The following PCDHGA8 variants were observed in gnomAD, a reference collection of about 807,000 sequenced individuals.
The protein encoded by PCDHGA8 is protocadherin gamma-A8.
Under a neutral mutation model 59.2 loss-of-function variants are expected in PCDHGA8, and 45 were observed. The ratio of observed to expected loss-of-function variants is 0.76; its 90% CI spans 0.60 to 0.98. The LOEUF (loss-of-function observed/expected upper bound fraction) is 0.98. Ranked by LOEUF, PCDHGA8 falls within the 50% of genes least tolerant of loss-of-function variation. The pLI, the probability that PCDHGA8 is intolerant of heterozygous loss-of-function variation, is 0.00. For synonymous variants in PCDHGA8, 531 were observed against 519.0 expected (o/e 1.02, Z -0.32); for missense variants, 1,257 against 1,196.2 (o/e 1.05, Z -0.75).
rs1012028735 is a variant in PCDHGA8 at position 141,413,666 on chromosome 5, C to T, written c.2424+18429C>T. 4 of 1,613,666 alleles carry T rather than the reference C, an allele frequency of 2.5e-6. No individual in the cohort carries two copies. In the African/African-American group the frequency reaches 5.3e-5, roughly 22 times the overall value. On this transcript the variant is annotated intron_variant, in intron 1 of 3. Coordinates refer to ENST00000398604, the MANE Select transcript of PCDHGA8 (RefSeq NM_032088.2). ...TTTCCTCTCCCGGAAGCTATTGATC[C>T]GGATGTGGGCGTGAACTCCCTGCAG... is the stretch of plus-strand genomic sequence containing the variant.
At chr5:141,414,583 G>A (rs570765907) in intron 1 of PCDHGA8, 1 of 1,613,736 alleles carries the variant, frequency 6.2e-7, no homozygotes, top group Non-Finnish European at 8.5e-7. Context: ...AGAGAACAAC[G>A]CCAGGGGTGC....
chr5:141,432,665 G>A lies in PCDHGA8; in HGVS notation c.2424+37428G>A. 1 of 1,613,896 alleles carries A rather than the reference G, an allele frequency of 6.2e-7. No individual in the cohort carries two copies. Among genetic ancestry groups the A allele is most frequent in the Non-Finnish European group, 8.5e-7 (1 of 1,179,956 alleles). On this transcript the variant is annotated intron_variant, in intron 1 of 3. Coordinates refer to ENST00000398604, the MANE Select transcript of PCDHGA8 (RefSeq NM_032088.2). The surrounding 1 kb of genome is among the most constrained non-coding windows in gnomAD (Gnocchi z 6.0). ...CACGGCGCGAGCCCTGCTGGACAGA[G>A]ACGCGCTCAAGCAGAGCCTCGTAGT... is the stretch of plus-strand genomic sequence containing the variant.
intron 1 of PCDHGA8, chr5:141,422,633 G>C: frequency 6.2e-7 from 1 of 1,613,120 alleles, no homozygotes; most frequent in Non-Finnish European, 8.5e-7. Context: ...AACCCCAGGG[G>C]TGCCTCCATC....
intron 1 of PCDHGA8, among the ~76,000 whole-genome samples, chr5:141,451,703 A>G (rs975120935): frequency 6.6e-6 from 1 of 152,144 alleles, no homozygotes; most frequent in Non-Finnish European, 1.5e-5. Flanking sequence ...GTAACATGAC[A>G]AAACCCTGCC....
At chr5:141,430,689 T>A in intron 1 of PCDHGA8, 1 of 1,408,998 alleles carries the variant, frequency 7.1e-7, no homozygotes, top group Non-Finnish European at 9.4e-7. Flanking sequence ...TCCCATTCTA[T>A]GGGCGAAGGA....
chr5:141,492,125 C>T (rs1284932830), intron 1 of PCDHGA8, among the ~76,000 whole-genome samples: 1 of 152,222 alleles, frequency 6.6e-6, no homozygotes, highest in Non-Finnish European at 1.5e-5. Context: ...TTCTCCCCAG[C>T]TCCCAGCATC....
At chr5:141,405,931 C>CT (rs1439525242) in intron 1 of PCDHGA8, among the ~76,000 whole-genome samples, 2 of 152,062 alleles carry the variant, frequency 1.3e-5, no homozygotes, top group Non-Finnish European at 2.9e-5. Context: ...GCTGATATAA[C>CT]TTTCATGTTC....
intron 1 of PCDHGA8, chr5:141,427,812 G>T: frequency 6.6e-7 from 1 of 1,524,404 alleles, no homozygotes; most frequent in Non-Finnish European, 9.0e-7. Flanking sequence ...CGCACAGAGC[G>T]GGGTGGTGGT....
intron 1 of PCDHGA8, chr5:141,411,426 A>T (rs115154023): frequency 6.6e-6 from 1 of 151,648 alleles, no homozygotes; most frequent in Non-Finnish European, 1.5e-5. Flanking sequence ...ACAACAACAA[A>T]AAAAAACATT....
At chr5:141,502,767 C>T (rs970206343) in intron 2 of PCDHGA8, among the ~76,000 whole-genome samples, 1 of 151,756 alleles carries the variant, frequency 6.6e-6, no homozygotes, top group East Asian at 1.9e-4. Flanking sequence ...TGCTGGTATT[C>T]TTCTGAAAAT....
chr5:141,481,104 C>T (rs2099531861), intron 1 of PCDHGA8, among the ~76,000 whole-genome samples: 1 of 152,130 alleles, frequency 6.6e-6, no homozygotes. Context: ...ACTCTGGAAC[C>T]TACCAATCCA....
At chr5:141,455,920 C>T (rs941360102) in intron 1 of PCDHGA8, among the ~76,000 whole-genome samples, 1 of 147,944 alleles carries the variant, frequency 6.8e-6, no homozygotes, top group Non-Finnish European at 1.5e-5. Context: ...TATTTTGAGA[C>T]GGAGTCTCGC....
chr5:141,462,388 C>T (rs529638718), intron 1 of PCDHGA8, among the ~76,000 whole-genome samples: 86 of 152,204 alleles, frequency 5.7e-4, no homozygotes, highest in Non-Finnish European at 9.4e-4. Context: ...AATTCGTTAA[C>T]ATTTCTTTTA....
At chr5:141,498,457 G>A (rs1028236637) in intron 2 of PCDHGA8, among the ~76,000 whole-genome samples, 8 of 152,126 alleles carry the variant, frequency 5.3e-5, no homozygotes, top group African/African-American at 1.9e-4. Flanking sequence ...CTTTTATCCA[G>A]TCTAACCCTG....
chr5:141,478,767 C>T (rs953695562), intron 1 of PCDHGA8: 44 of 1,500,650 alleles, frequency 2.9e-5, no homozygotes, highest in Non-Finnish European at 3.9e-5. Context: ...ATACTTGACT[C>T]ATCTGTGGAC....
chr5:141,419,792 G>A (rs1379811891), intron 1 of PCDHGA8: 1 of 1,614,042 alleles, frequency 6.2e-7, no homozygotes, highest in African/African-American at 1.3e-5. Flanking sequence ...CCTGCTAGTC[G>A]CTGTAAGAGA....
chr5:141,428,557 C>T (rs2097147196), intron 1 of PCDHGA8: 2 of 242,520 alleles, frequency 8.2e-6, no homozygotes, highest in Non-Finnish European at 1.6e-5. Context: ...AACAGTCCCC[C>T]CACAAGATCT....
chr5:141,402,209 T>A (rs2094239307), intron 1 of PCDHGA8, among the ~76,000 whole-genome samples: 1 of 152,084 alleles, frequency 6.6e-6, no homozygotes, highest in Non-Finnish European at 1.5e-5. Context: ...AATACAAAAA[T>A]TTAAAATAAA....
chr5:141,412,963 G>A (rs1387713187), intron 1 of PCDHGA8: 2 of 518,110 alleles, frequency 3.9e-6, no homozygotes, highest in South Asian at 3.3e-5. Context: ...TCACCTACTA[G>A]GAGAGAAAAC....
Sources: allele counts gnomAD v4.1 joint callset (sites outside exome capture counted in the v4.1 genomes callset), GRCh38; gene constraint gnomAD v4.1.1; non-coding constraint Gnocchi (gnomAD v3.1); transcripts MANE v1.5; gene names NCBI Gene and HGNC (gene_info 2026-07-23, HGNC 2026-07-21).